Variants in TAF4B observed in about 807,000 individuals in gnomAD.
TAF4B encodes transcription initiation factor TFIID subunit 4B.
A neutral mutation model predicts 86.4 loss-of-function variants in TAF4B; 38 were observed. The observed-to-expected ratio is 0.44, with a 90% CI of 0.34 to 0.58. TAF4B has a LOEUF of 0.58. Among genes scored for constraint, TAF4B ranks in the 20% least tolerant of loss-of-function variants. The pLI is 0.02. For missense variants in TAF4B, 988 were observed against 1,027.6 expected (o/e 0.96, Z 0.53); for synonymous variants, 388 against 391.2 (o/e 0.99, Z 0.10).
chr18:26,391,482 C>T lies in TAF4B; in HGVS notation c.*1470C>T. 1 of 151,442 alleles carries T rather than the reference C, an allele frequency of 6.6e-6. No homozygotes were observed. The highest frequency in any genetic ancestry group is 2.1e-4 in the South Asian group (1 of 4,808). The allele number at this position is 151,442 out of a possible 1,614,324, so 9.4% of individuals were successfully genotyped here. A position where few individuals can be genotyped will look rare whatever the true frequency, so the allele number is the denominator to read the frequency against. ...TTGGCCACATTTTTTTTTGTTTCAG[C>T]AAGTTATGTAAAATGCTATAAATTA... On this transcript the variant is annotated 3_prime_UTR_variant, in exon 15 of 15. Coordinates refer to ENST00000269142, the MANE Select transcript of TAF4B (RefSeq NM_005640.3).
rs1030394297 is a variant in TAF4B at position 26,367,315 on chromosome 18, A to T, written c.2421+9521A>T. Among the ~76,000 whole-genome samples, 3 of 152,258 alleles carry T rather than the reference A, an allele frequency of 2.0e-5. No individual in the cohort carries two copies. The South Asian group carries it at 6.2e-4, about 32-fold the overall frequency. On this transcript the variant is annotated intron_variant, in intron 14 of 14. Coordinates refer to ENST00000269142, the MANE Select transcript of TAF4B (RefSeq NM_005640.3). The stretch of plus-strand genomic sequence containing the variant: ...AATGTGAAGTCCTGAGAAACAGGGG[A>T]GTCAATGGTGTGGTGTAACTCTCAG...
intron 3 of TAF4B, among the ~76,000 whole-genome samples, chr18:26,268,369 G>A (rs2056269156): frequency 6.6e-6 from 1 of 152,150 alleles, no homozygotes; most frequent in Non-Finnish European, 1.5e-5. Context: ...ATGAACTACA[G>A]TCCCCACTGC....
At chr18:26,345,340 A>G (rs2057168309) in intron 13 of TAF4B, among the ~76,000 whole-genome samples, 1 of 152,216 alleles carries the variant, frequency 6.6e-6, no homozygotes, top group Admixed American at 6.5e-5. Context: ...TGTTTTTCGC[A>G]AAAGTAACAG....
intron 1 of TAF4B, among the ~76,000 whole-genome samples, chr18:26,261,221 G>A (rs1393262991): frequency 9.5e-5 from 11 of 115,710 alleles, no homozygotes; most frequent in African/African-American, 2.6e-4. Context: ...TCGCTCTGTC[G>A]CCCAGGCTGG....
intron 1 of TAF4B, among the ~76,000 whole-genome samples, chr18:26,245,980 G>A (rs746321902): frequency 4.6e-5 from 7 of 152,172 alleles, no homozygotes; most frequent in African/African-American, 7.2e-5. Flanking sequence ...GTTTGGAAAC[G>A]TGGATTTTTA....
chr18:26,386,692 T>G (rs1329994034), intron 14 of TAF4B, among the ~76,000 whole-genome samples: 1 of 152,224 alleles, frequency 6.6e-6, no homozygotes, highest in East Asian at 1.9e-4. Context: ...TTCCTTTCAT[T>G]GAACATTTTT....
intron 13 of TAF4B, among the ~76,000 whole-genome samples, chr18:26,349,701 A>G (rs1047308425): frequency 6.6e-6 from 1 of 152,206 alleles, no homozygotes; most frequent in Admixed American, 6.5e-5. Context: ...TAGGAAAAGT[A>G]AATTTGAAAA....
intron 3 of TAF4B, among the ~76,000 whole-genome samples, chr18:26,268,450 C>A (rs934100877): frequency 2.0e-5 from 3 of 152,166 alleles, no homozygotes; most frequent in African/African-American, 7.2e-5. Context: ...AGATTCCCTT[C>A]CCCTCAACTA....
At chr18:26,316,360 A>G (rs1042768873) in intron 10 of TAF4B, among the ~76,000 whole-genome samples, 1 of 151,798 alleles carries the variant, frequency 6.6e-6, no homozygotes, top group African/African-American at 2.4e-5. Flanking sequence ...TGTATGCTAT[A>G]TAAATGACCA....
At chr18:26,335,151 T>A (rs2057080516) in intron 12 of TAF4B, 24 bp from the exon 13 acceptor site, 1 of 1,570,354 alleles carries the variant, frequency 6.4e-7, no homozygotes, top group African/African-American at 1.4e-5. Context: ...TAATTTCTAT[T>A]AAAATTTTCT....
At chr18:26,253,098 C>T (rs2056030590) in intron 1 of TAF4B, among the ~76,000 whole-genome samples, 1 of 152,100 alleles carries the variant, frequency 6.6e-6, no homozygotes, top group Non-Finnish European at 1.5e-5. Flanking sequence ...TAATGTTGAA[C>T]AAAAGTAGTG....
At chr18:26,320,963 AT>A in intron 10 of TAF4B, 106 bp from the exon 11 acceptor site, 1 of 1,355,556 alleles carries the variant, frequency 7.4e-7, no homozygotes, top group East Asian at 2.3e-5. Flanking sequence ...CCAAACCTTT[AT>A]TCATAATGGG....
chr18:26,323,279 A>T (rs776149394), intron 11 of TAF4B, among the ~76,000 whole-genome samples: 2 of 152,208 alleles, frequency 1.3e-5, no homozygotes, highest in Non-Finnish European at 2.9e-5. Flanking sequence ...TTGATCATCC[A>T]TCTGGATGTT....
At chr18:26,228,923 G>A (rs369295461) in intron 1 of TAF4B, among the ~76,000 whole-genome samples, 4 of 152,142 alleles carry the variant, frequency 2.6e-5, no homozygotes, top group African/African-American at 9.7e-5. Context: ...TAATAGGTAG[G>A]TAGCAAATAA....
intron 9 of TAF4B, among the ~76,000 whole-genome samples, chr18:26,303,087 T>C (rs1317215920): frequency 1.5e-5 from 1 of 64,912 alleles, no homozygotes; most frequent in Admixed American, 1.6e-4. Context: ...CCCCTCCACT[T>C]TCATACTCCC....
At chr18:26,316,592 T>C (rs2056914478) in intron 10 of TAF4B, among the ~76,000 whole-genome samples, 1 of 152,232 alleles carries the variant, frequency 6.6e-6, no homozygotes, top group African/African-American at 2.4e-5. Flanking sequence ...GGTTTTACCA[T>C]GTTAGCCAGG....
intron 13 of TAF4B, among the ~76,000 whole-genome samples, chr18:26,353,223 T>G (rs1025492048): frequency 6.6e-6 from 1 of 152,222 alleles, no homozygotes; most frequent in Non-Finnish European, 1.5e-5. Context: ...AAAAAGAATG[T>G]ATTGATCTTG....
At chr18:26,288,007 T>C (rs1862180565) in intron 7 of TAF4B, among the ~76,000 whole-genome samples, 1 of 152,198 alleles carries the variant, frequency 6.6e-6, no homozygotes, top group African/African-American at 2.4e-5. Context: ...ATCTCAGAGA[T>C]GAAACAACAT....
At chr18:26,249,040 T>C (rs920058525) in intron 1 of TAF4B, among the ~76,000 whole-genome samples, 3 of 151,270 alleles carry the variant, frequency 2.0e-5, no homozygotes, top group African/African-American at 7.3e-5. Flanking sequence ...GGCGTGGTGG[T>C]ACGTGCCTGT....
Sources: gnomAD v4.1 joint callset for allele counts (sites outside exome capture counted in the v4.1 genomes callset) on GRCh38, gnomAD v4.1.1 for gene constraint, MANE v1.5 for transcripts, NCBI Gene and HGNC (gene_info 2026-07-23, HGNC 2026-07-21) for gene names.